The following BBS9 variants were observed in gnomAD, a reference collection of about 807,000 sequenced individuals.
BBS9 encodes the protein protein PTHB1.
In BBS9, 89 loss-of-function variants were observed where a neutral mutation model predicts 117.7. That is an observed-to-expected ratio of 0.76 (90% CI 0.64 to 0.90). The LOEUF (loss-of-function observed/expected upper bound fraction) is 0.90, where lower values mean the gene tolerates loss of function less well. Among genes scored for constraint, BBS9 ranks in the 40% least tolerant of loss-of-function variants. The pLI is 0.00. For missense variants in BBS9, 982 were observed against 1,042.2 expected (o/e 0.94, Z 0.80); for synonymous variants, 379 against 370.9 (o/e 1.02, Z -0.25).
intron 21 of BBS9, among the ~76,000 whole-genome samples, chr7:33,578,302 G>T (rs971981982): frequency 2.0e-5 from 3 of 152,182 alleles, no homozygotes; most frequent in Non-Finnish European, 4.4e-5. Flanking sequence ...GGTAGAGCTG[G>T]TAGGAAATGA....
chr7:33,574,684 AACACACACACACAC>A lies in BBS9; in HGVS notation c.2522-30152_2522-30139del, dbSNP rs371229936. On this transcript the variant is annotated intron_variant, in intron 21 of 22. Coordinates refer to ENST00000242067, the MANE Select transcript of BBS9 (RefSeq NM_198428.3). ...TTCAATTGTACTGGAAGTCATAGAAAACACACACACACACACACACACACACACACACACACACA... is the reference window on the plus strand; with the variant it reads ...TTCAATTGTACTGGAAGTCATAGAAAACACACACACACACACACACACACA... Among the ~76,000 whole-genome samples, 16 of 137,646 alleles carry A rather than the reference AACACACACACACAC, an allele frequency of 1.2e-4. No individual in the cohort carries two copies. The East Asian group carries it at 1.9e-3, about 16-fold the overall frequency. The allele number at this position is 137,646 out of a possible 152,430, so 90.3% of individuals were successfully genotyped here.
intron 5 of BBS9, among the ~76,000 whole-genome samples, chr7:33,204,406 C>CAAAA (rs569185367): frequency 1.1e-4 from 15 of 134,118 alleles, no homozygotes; most frequent in African/African-American, 2.8e-4. Context: ...GACTCCATCT[C>CAAAA]AAAAAAAAAA....
At chr7:33,476,977 C>T (rs1841891095) in intron 19 of BBS9, among the ~76,000 whole-genome samples, 1 of 152,086 alleles carries the variant, frequency 6.6e-6, no homozygotes, top group African/African-American at 2.4e-5. Context: ...ATTATTTCAC[C>T]TGGGGACCTA....
At chr7:33,451,124 G>A (rs952020521) in intron 19 of BBS9, among the ~76,000 whole-genome samples, 1 of 151,952 alleles carries the variant, frequency 6.6e-6, no homozygotes, top group East Asian at 1.9e-4. Flanking sequence ...TCCTGACCTC[G>A]TGATCTGCCT....
intron 5 of BBS9, among the ~76,000 whole-genome samples, chr7:33,256,567 C>G (rs1229308629): frequency 6.6e-6 from 1 of 152,044 alleles, no homozygotes; most frequent in African/African-American, 2.4e-5. Flanking sequence ...TAGTCAGATA[C>G]AAGAAGAGTA....
At chr7:33,557,187 G>A (rs6973422) in intron 21 of BBS9, among the ~76,000 whole-genome samples, 19,959 of 152,086 alleles carry the variant, frequency 0.13, 1,559 homozygotes, top group African/African-American at 0.2. Context: ...ACCCTGTCTA[G>A]AATACTTGTA....
intron 19 of BBS9, chr7:33,390,700 A>G (rs1171687025): frequency 1.4e-6 from 1 of 740,228 alleles, no homozygotes; most frequent in Non-Finnish European, 1.7e-6. Flanking sequence ...TAATTTCCCA[A>G]AGAAAATTAT....
At chr7:33,512,798 T>C (rs1054680336) in intron 20 of BBS9, among the ~76,000 whole-genome samples, 1 of 152,232 alleles carries the variant, frequency 6.6e-6, no homozygotes, top group African/African-American at 2.4e-5. Flanking sequence ...TGTGTCTCCC[T>C]GAATCTCCGT....
At chr7:33,344,748 A>G in intron 12 of BBS9, 114 bp downstream of exon 12, 1 of 1,119,258 alleles carries the variant, frequency 8.9e-7, no homozygotes, top group Admixed American at 1.8e-5. Context: ...AACACTTGGC[A>G]TTTGTAGATT....
chr7:33,604,415 A>G (rs1864272714), intron 21 of BBS9, among the ~76,000 whole-genome samples: 1 of 152,164 alleles, frequency 6.6e-6, no homozygotes. Flanking sequence ...ATACCACCAC[A>G]ACCACCGTCC....
intron 19 of BBS9, among the ~76,000 whole-genome samples, chr7:33,400,466 GTT>G (rs993938653): frequency 6.6e-6 from 1 of 152,028 alleles, no homozygotes; most frequent in African/African-American, 2.4e-5. Flanking sequence ...TTTTGTATTA[GTT>G]TTTTGTAAAG....
chr7:33,602,254 A>T (rs1863909268), intron 21 of BBS9, among the ~76,000 whole-genome samples: 1 of 152,160 alleles, frequency 6.6e-6, no homozygotes, highest in African/African-American at 2.4e-5. Flanking sequence ...ATCATCTGGC[A>T]TATTCCTAGT....
At chr7:33,160,101 A>G (rs749928088) in intron 4 of BBS9, among the ~76,000 whole-genome samples, 2 of 152,208 alleles carry the variant, frequency 1.3e-5, no homozygotes, top group Non-Finnish European at 2.9e-5. Context: ...CAGTTCTATT[A>G]TTTAGCATAA....
At chr7:33,450,654 G>C (rs1189706911) in intron 19 of BBS9, among the ~76,000 whole-genome samples, 1 of 152,018 alleles carries the variant, frequency 6.6e-6, no homozygotes, top group East Asian at 1.9e-4. Flanking sequence ...TATGCGTCTT[G>C]GCCATTTGCA....
At chr7:33,443,280 G>C (rs568823440) in intron 19 of BBS9, among the ~76,000 whole-genome samples, 1 of 152,204 alleles carries the variant, frequency 6.6e-6, no homozygotes, top group South Asian at 2.1e-4. Context: ...AAGGAGACTT[G>C]CTTGTCATTA....
chr7:33,190,279 T>A (rs1304635889), intron 5 of BBS9, among the ~76,000 whole-genome samples: 1 of 151,998 alleles, frequency 6.6e-6, no homozygotes, highest in Non-Finnish European at 1.5e-5. Context: ...GCCACCACAC[T>A]CGGCTAACTT....
Position 33,314,008 on chromosome 7 carries a change from G to A in BBS9, c.1017-22433G>A, listed in dbSNP as rs114537146. On this transcript the variant is annotated intron_variant, in intron 9 of 22. Coordinates refer to ENST00000242067, the MANE Select transcript of BBS9 (RefSeq NM_198428.3). Reference sequence around the variant, plus strand: ...TGTGTATGTGGAAATGTATTATTACGAAGCTTTTCCTGAAAGATGGTTATG... The same window carrying A: ...TGTGTATGTGGAAATGTATTATTACAAAGCTTTTCCTGAAAGATGGTTATG... 7.9e-3 allele frequency among the ~76,000 whole-genome samples: 1,210 copies of A among 152,226 alleles called. 20 individuals are homozygous for A. The highest frequency in any genetic ancestry group is 0.028 in the African/African-American group (1,155 of 41,530).
intron 11 of BBS9, among the ~76,000 whole-genome samples, chr7:33,341,979 C>T (rs969410228): frequency 5.3e-5 from 8 of 151,854 alleles, no homozygotes; most frequent in African/African-American, 1.9e-4. Flanking sequence ...AAATTGATCA[C>T]CAACAGATGA....
chr7:33,319,515 G>A (rs1021669408), intron 9 of BBS9, among the ~76,000 whole-genome samples: 2 of 152,130 alleles, frequency 1.3e-5, no homozygotes, highest in Non-Finnish European at 2.9e-5. Flanking sequence ...CCCACCAGCA[G>A]TATAGAAGTG....
Sources: gnomAD v4.1 joint callset for allele counts (sites outside exome capture counted in the v4.1 genomes callset) on GRCh38, gnomAD v4.1.1 for gene constraint, MANE v1.5 for transcripts, NCBI Gene and HGNC (gene_info 2026-07-23, HGNC 2026-07-21) for gene names.